CSMD1: variants seen among roughly 807,000 people sequenced by gnomAD.
CSMD1 encodes CUB and sushi domain-containing protein 1.
Under a neutral mutation model 417.5 loss-of-function variants are expected in CSMD1, and 213 were observed. That is an observed-to-expected ratio of 0.51 (90% CI 0.46 to 0.57). CSMD1 has a LOEUF of 0.57. CSMD1 is among the 20% of genes least tolerant of loss of function. The pLI is 0.00. For synonymous variants in CSMD1, 2,862 were observed against 1,736.8 expected (o/e 1.65, Z -16.11); for missense variants, 6,923 against 4,529.7 (o/e 1.53, Z -15.17).
chr8:3,568,211 T>C (rs1228432720), intron 10 of CSMD1, among the ~76,000 whole-genome samples: 2 of 152,194 alleles, frequency 1.3e-5, no homozygotes, highest in East Asian at 3.8e-4. Flanking sequence ...AAAACAATTG[T>C]TGTGGATGTT....
At chr8:4,789,540 G>T (rs561941914) in intron 1 of CSMD1, among the ~76,000 whole-genome samples, 8 of 152,126 alleles carry the variant, frequency 5.3e-5, no homozygotes, top group African/African-American at 1.2e-4. Context: ...CATCTACCTG[G>T]GATCTACCAC....
In CSMD1 at chr8:2,949,327, G is replaced by C. The variant is rs1802462473; in HGVS notation, c.10374C>G (p.Asp3458Glu). Reference protein sequence around the residue: ...FTFQGDIHGKDFGKFKLERQD... With the variant: ...FTFQGDIHGKEFGKFKLERQD... ...GCCTTTCTAGCTTAAATTTTCCAAA[G>C]TCTTTTCCATGAATGTCACCTTGAA... is the stretch of plus-strand genomic sequence containing the variant. Residue 3458 changes from aspartate to glutamate, a missense_variant, in exon 68 of 70, where the codon GAC (aspartate) becomes GAG (glutamate). Physicochemically the swap from Asp to Glu is conservative, Grantham distance 45. Coordinates refer to ENST00000635120, the MANE Select transcript of CSMD1 (RefSeq NM_033225.6). The C allele has an allele frequency of 6.2e-7, 1 of 1,607,144 alleles. No homozygotes were observed. The highest frequency in any genetic ancestry group is 1.1e-5 in the South Asian group (1 of 90,666).
chr8:3,107,130 G>A (rs1816199003), intron 45 of CSMD1: 1 of 154,500 alleles, frequency 6.5e-6, no homozygotes, highest in Admixed American at 6.5e-5. Context: ...TTATAACTGG[G>A]GCTGAAAAAT....
At chr8:4,776,364 G>C (rs1252552418) in intron 1 of CSMD1, among the ~76,000 whole-genome samples, 5 of 152,260 alleles carry the variant, frequency 3.3e-5, no homozygotes, top group Admixed American at 6.5e-5. Flanking sequence ...CAACTGCACA[G>C]TGCTACTACT....
intron 10 of CSMD1, among the ~76,000 whole-genome samples, chr8:3,498,199 A>C (rs1371770233): frequency 6.6e-6 from 1 of 151,822 alleles, no homozygotes; most frequent in Non-Finnish European, 1.5e-5. Context: ...CTTATATTTG[A>C]CTTGACTGTT....
At chr8:4,734,376 C>A (rs1218315860) in intron 1 of CSMD1, among the ~76,000 whole-genome samples, 1 of 151,714 alleles carries the variant, frequency 6.6e-6, no homozygotes, top group East Asian at 1.9e-4. Flanking sequence ...TCTGAGTGTT[C>A]TATGCATGTT....
intron 1 of CSMD1, among the ~76,000 whole-genome samples, chr8:4,895,147 G>T (rs1009143232): frequency 3.9e-5 from 6 of 152,038 alleles, no homozygotes; most frequent in African/African-American, 1.2e-4. Flanking sequence ...ATTTACATTC[G>T]CTTCTGTACA....
intron 10 of CSMD1, among the ~76,000 whole-genome samples, chr8:3,543,711 G>C (rs1373189592): frequency 6.6e-6 from 1 of 152,128 alleles, no homozygotes; most frequent in Admixed American, 6.5e-5. Flanking sequence ...AGGAGACCCA[G>C]AGTTTGCTTT....
At chr8:4,673,391 G>A (rs1040149500) in intron 1 of CSMD1, among the ~76,000 whole-genome samples, 2 of 152,166 alleles carry the variant, frequency 1.3e-5, no homozygotes, top group Non-Finnish European at 2.9e-5. Flanking sequence ...GTGACCTGCT[G>A]CCATCTGTAA....
At chr8:4,515,199 T>G (rs368558442) in intron 2 of CSMD1, among the ~76,000 whole-genome samples, 3 of 152,308 alleles carry the variant, frequency 2.0e-5, no homozygotes, top group African/African-American at 7.2e-5. Flanking sequence ...CATTAAGTAG[T>G]TAAAAAATAT....
chr8:4,187,324 A>G (rs1477627998), intron 3 of CSMD1, among the ~76,000 whole-genome samples: 1 of 152,138 alleles, frequency 6.6e-6, no homozygotes, highest in Non-Finnish European at 1.5e-5. Context: ...ACTAGGATGC[A>G]ATGGTTTTAA....
intron 30 of CSMD1, among the ~76,000 whole-genome samples, chr8:3,212,860 A>T: frequency 2.4e-5 from 3 of 124,412 alleles, no homozygotes; most frequent in Admixed American, 8.6e-5. Flanking sequence ...AGAGAGTTTC[A>T]CTCTTGTTGC....
intron 1 of CSMD1, among the ~76,000 whole-genome samples, chr8:4,792,643 T>C (rs1797753826): frequency 6.6e-6 from 1 of 152,176 alleles, no homozygotes; most frequent in African/African-American, 2.4e-5. Flanking sequence ...TTTTCTAATC[T>C]TTTGTAATTA....
intron 51 of CSMD1, among the ~76,000 whole-genome samples, chr8:3,023,226 A>G (rs1330716527): frequency 6.6e-6 from 1 of 152,244 alleles, no homozygotes; most frequent in Non-Finnish European, 1.5e-5. Context: ...CAGCCCGGAC[A>G]CAGACAGCCC....
At chr8:3,613,258 C>A (rs1393619690) in intron 8 of CSMD1, 2 of 421,910 alleles carry the variant, frequency 4.7e-6, no homozygotes, top group East Asian at 8.2e-5. Context: ...AAAAGAAATT[C>A]AATCCGTAAT....
At chr8:4,838,892 G>C (rs1302865627) in intron 1 of CSMD1, among the ~76,000 whole-genome samples, 2 of 152,144 alleles carry the variant, frequency 1.3e-5, no homozygotes, top group Non-Finnish European at 2.9e-5. Flanking sequence ...CTACTGCCCA[G>C]AACTTAAGCT....
At chr8:3,987,952 C>T (rs907297062) in intron 5 of CSMD1, among the ~76,000 whole-genome samples, 1 of 152,114 alleles carries the variant, frequency 6.6e-6, no homozygotes, top group South Asian at 2.1e-4. Flanking sequence ...CTGAGAAATC[C>T]ACAACAAAGG....
At chr8:3,569,193 T>G (rs980246144) in intron 10 of CSMD1, among the ~76,000 whole-genome samples, 2 of 152,186 alleles carry the variant, frequency 1.3e-5, no homozygotes, top group Non-Finnish European at 2.9e-5. Context: ...ACTTCCTGAA[T>G]AGAAAATGCT....
chr8:3,331,192 C>T (rs1349287606), intron 23 of CSMD1, among the ~76,000 whole-genome samples: 1 of 147,446 alleles, frequency 6.8e-6, no homozygotes, highest in Non-Finnish European at 1.5e-5. Flanking sequence ...GAGCCGAGAT[C>T]GTGCCACTGC....
Sources: gnomAD v4.1 joint callset for allele counts (sites outside exome capture counted in the v4.1 genomes callset) on GRCh38, gnomAD v4.1.1 for gene constraint, MANE v1.5 for transcripts, NCBI Gene and HGNC (gene_info 2026-07-23, HGNC 2026-07-21) for gene names.